Variants in KAT6A observed in about 807,000 individuals in gnomAD.
KAT6A encodes histone acetyltransferase KAT6A.
A neutral mutation model predicts 198.4 loss-of-function variants in KAT6A; 9 were observed. The observed-to-expected ratio is 0.05, with a 90% CI of 0.03 to 0.08. KAT6A has a LOEUF of 0.08. Among genes scored for constraint, KAT6A ranks in the 10% least tolerant of loss-of-function variants. The pLI is 1.00. For synonymous variants in KAT6A, 890 were observed against 883.0 expected, an observed-to-expected ratio of 1.01 and a Z score of -0.14; for missense variants, 2,077 against 2,509.9, an observed-to-expected ratio of 0.83 and a Z score of 3.69.
chr8:41,980,448 T>C (rs1824293676), intron 5 of KAT6A, among the ~76,000 whole-genome samples: 1 of 152,188 alleles, frequency 6.6e-6, no homozygotes, highest in African/African-American at 2.4e-5. Context: ...CATATCTCTA[T>C]AGCTCTAGGG....
At chr8:42,051,547 G>A (rs1335219894) in intron 1 of KAT6A, among the ~76,000 whole-genome samples, 1 of 144,940 alleles carries the variant, frequency 6.9e-6, no homozygotes, top group Non-Finnish European at 1.5e-5. Context: ...GAGGCTCCGC[G>A]GCCTGGGCCG....
intron 13 of KAT6A, 102 bp from the exon 14 acceptor site, chr8:41,943,102 G>A (rs1046712437): frequency 6.9e-7 from 1 of 1,444,174 alleles, no homozygotes; most frequent in Admixed American, 2.0e-5. Flanking sequence ...GATGATAGGT[G>A]CTGCAAAGAT....
Position 42,015,373 on chromosome 8 carries a change from C to A in KAT6A, c.601-27810G>T, listed in dbSNP as rs559728521. 3.3e-5 allele frequency among the ~76,000 whole-genome samples: 5 copies of A among 152,344 alleles called. No individual in the cohort carries two copies. In the East Asian group the frequency reaches 7.7e-4, roughly 23 times the overall value. ...AACTATGCAAACAACTTTCCAGATACCACGACAGCACTTAAAAGCAGATCC... is the reference window on the plus strand; with the variant it reads ...AACTATGCAAACAACTTTCCAGATAACACGACAGCACTTAAAAGCAGATCC... On this transcript the variant is annotated intron_variant, in intron 2 of 16. Coordinates refer to ENST00000265713, the MANE Select transcript of KAT6A (RefSeq NM_006766.5).
Position 41,943,783 on chromosome 8 carries a change from G to C in KAT6A, c.2193C>G (p.Leu731=). 6.2e-7 allele frequency: 1 copy of C among 1,613,792 alleles called. No individual in the cohort carries two copies. The highest frequency in any genetic ancestry group is 1.7e-4 in the Middle Eastern group (1 of 6,060). ...GICPQDITST[L]HHLRMLDFRS... ...GGAAGTCCAGCATTCGTAGGTGGTG[G>C]AGTGTGGAAGTGATGTCTTGAGGGC... The change falls in exon 13 of 17, where the codon CTC becomes CTG. Residue 731 remains leucine, a synonymous_variant. Transcript: ENST00000265713.
At chr8:42,032,693 T>C (rs959955870) in intron 2 of KAT6A, among the ~76,000 whole-genome samples, 2 of 152,106 alleles carry the variant, frequency 1.3e-5, no homozygotes, top group African/African-American at 4.8e-5. Flanking sequence ...AATGCCACGT[T>C]ACTCTTACAA....
At position 41,943,058 on chromosome 8, in the gene KAT6A, A is replaced by C; in HGVS notation, c.2229-58T>G. 8 of 1,602,828 alleles carry C rather than the reference A, an allele frequency of 5.0e-6. No individual in the cohort carries two copies. The South Asian group carries it at 8.9e-5, about 18-fold the overall frequency. The stretch of plus-strand genomic sequence containing the variant: ...AATGTACAAGGTGTACATAAAAATG[A>C]ATGTGGAGATGAGACCCCTGGTGAA... On this transcript the variant is annotated intron_variant, in intron 13 of 16. Transcript: ENST00000265713.
intron 2 of KAT6A, among the ~76,000 whole-genome samples, chr8:42,020,161 C>A (rs1056294692): frequency 1.3e-5 from 2 of 152,162 alleles, no homozygotes; most frequent in Non-Finnish European, 2.9e-5. Context: ...ATCCAGTCTA[C>A]CACCTGGTTT....
At position 41,933,796 on chromosome 8, in the gene KAT6A, T is replaced by C. The variant is rs375111884; in HGVS notation, c.4424A>G (p.His1475Arg). Residue 1475 changes from histidine to arginine, a missense_variant, in exon 17 of 17, where the codon CAT becomes CGT. His to Arg is a conservative substitution (Grantham distance 29, BLOSUM62 0). Around this residue, in one of 13 missense-constraint regions of KAT6A, gnomAD observed 178 missense variants for 220.8 expected, o/e 0.81. Coordinates refer to ENST00000265713, the MANE Select transcript of KAT6A (RefSeq NM_006766.5). The surrounding 1 kb of genome is among the most constrained non-coding windows in gnomAD (Gnocchi z 6.2). ...DPQMSMVEDCHASEHNSPISS... is the reference protein window; with the variant it reads ...DPQMSMVEDCRASEHNSPISS... ...GATAGGGCTATTATGTTCTGACGCA[T>C]GACAGTCTTCAACCATGGACATCTG... The C allele has an allele frequency of 2.5e-6, 4 of 1,614,008 alleles. No homozygotes were observed. Among genetic ancestry groups the C allele is most frequent in the African/African-American group, 2.7e-5 (2 of 74,908 alleles).
intron 2 of KAT6A, among the ~76,000 whole-genome samples, chr8:42,044,684 A>G (rs983885574): frequency 3.9e-5 from 6 of 152,164 alleles, no homozygotes; most frequent in Non-Finnish European, 8.8e-5. Context: ...TTTCATCTTC[A>G]CCTTACAGTT....
chr8:41,960,919 C>T (rs751986425), intron 8 of KAT6A, among the ~76,000 whole-genome samples: 1 of 152,108 alleles, frequency 6.6e-6, no homozygotes, highest in Non-Finnish European at 1.5e-5. Flanking sequence ...ACAACAAAAT[C>T]CTAACCCCTG....
In KAT6A at chr8:41,984,809, C is replaced by A. The variant is rs139231999; in HGVS notation, c.709+2646G>T. The stretch of plus-strand genomic sequence containing the variant: ...CTGGTGAAGTAGAGATGGTGAAACC[C>A]CACCTCTACTAAAAATACCAAAAAT... On this transcript the variant is annotated intron_variant, in intron 3 of 16. Transcript: ENST00000265713. Among the ~76,000 whole-genome samples, 1,264 of 151,984 alleles carry A rather than the reference C, an allele frequency of 8.3e-3. 16 individuals carry two copies. The highest frequency in any genetic ancestry group is 0.029 in the African/African-American group (1,221 of 41,466).
At chr8:42,028,182 T>C (rs543603595) in intron 2 of KAT6A, among the ~76,000 whole-genome samples, 2 of 152,376 alleles carry the variant, frequency 1.3e-5, no homozygotes, top group East Asian at 1.9e-4. Flanking sequence ...ATGATCCATG[T>C]GCTGATGAGA....
At position 41,934,481 on chromosome 8, in the gene KAT6A, T is replaced by G. The variant is rs2150856849; in HGVS notation, c.3739A>C (p.Ser1247Arg). The change falls in exon 17 of 17, where the codon AGT (serine) becomes CGT (arginine). Residue 1247 changes from serine (S) to arginine (R), a missense_variant. Physicochemically the swap from Ser to Arg is moderately radical, Grantham distance 110. Coordinates refer to ENST00000265713, the MANE Select transcript of KAT6A (RefSeq NM_006766.5). ...GCTGGAGAGGCTGCTGGGACTTCAC[T>G]GCTGGCTGCATCCTCTTCCTCACCC... is the stretch of plus-strand genomic sequence containing the variant. The part of the protein sequence containing the change: ...EEGEEEDAAS[S>R]EVPAASPADS... 1 of 1,610,096 alleles carries G rather than the reference T, an allele frequency of 6.2e-7. No homozygotes were observed. Among genetic ancestry groups the G allele is most frequent in the Non-Finnish European group, 8.5e-7 (1 of 1,177,912 alleles).
chr8:41,931,872 TAC>T lies in KAT6A; in HGVS notation c.*331_*332del, dbSNP rs1821561412. 4.1e-6 allele frequency: 1 copy of T among 241,668 alleles called. No homozygotes were observed. The highest frequency in any genetic ancestry group is 1.7e-4 in the South Asian group (1 of 5,768). 15.0% of individuals were successfully genotyped at this position (241,668 alleles called of 1,614,324 possible). A position where few individuals can be genotyped will look rare whatever the true frequency, so the allele number is the denominator to read the frequency against. ...TTTTAAAATAAAGATAATTCACTTT[TAC>T]ACAAATTCTGTCCATGTGGTATGTA... On this transcript the variant is annotated 3_prime_UTR_variant, in exon 17 of 17. Coordinates refer to ENST00000265713, the MANE Select transcript of KAT6A (RefSeq NM_006766.5).
At chr8:41,987,396 A>C in intron 3 of KAT6A, 59 bp downstream of exon 3, 1 of 981,582 alleles carries the variant, frequency 1.0e-6, no homozygotes, top group Non-Finnish European at 1.6e-6. Context: ...TCAAGTCAAC[A>C]TACTTTCCGC....
intron 2 of KAT6A, among the ~76,000 whole-genome samples, chr8:42,012,064 CA>C (rs1826048473): frequency 6.6e-6 from 1 of 152,120 alleles, no homozygotes; most frequent in Non-Finnish European, 1.5e-5. Context: ...AATGAAATAC[CA>C]CTATCTATTA....
chr8:42,015,297 C>G (rs1475804822), intron 2 of KAT6A, among the ~76,000 whole-genome samples: 1 of 152,164 alleles, frequency 6.6e-6, no homozygotes, highest in Admixed American at 6.5e-5. Flanking sequence ...CATGGATGAG[C>G]TGGGGGGAAA....
Position 41,931,944 on chromosome 8 carries a change from T to A in KAT6A, c.*261A>T, listed in dbSNP as rs1343703980. ...TAATTATGAAAAGATTTTGTGCATG[T>A]TTCCCCATCCCCAAATCCATTTTTA... On this transcript the variant is annotated 3_prime_UTR_variant, in exon 17 of 17. Coordinates refer to ENST00000265713, the MANE Select transcript of KAT6A (RefSeq NM_006766.5). The A allele has an allele frequency of 3.2e-6, 1 of 315,806 alleles. No homozygotes were observed. The highest frequency in any genetic ancestry group is 5.7e-6 in the Non-Finnish European group (1 of 176,022). The allele number at this position is 315,806 out of a possible 1,614,324, so 19.6% of individuals were successfully genotyped here. A position where few individuals can be genotyped will look rare whatever the true frequency, so the allele number is the denominator to read the frequency against.
rs762700976 is a variant in KAT6A at position 41,981,972 on chromosome 8, A to G, written c.710-18T>C. 4.3e-5 allele frequency: 61 copies of G among 1,402,920 alleles called. No homozygotes were observed. Among genetic ancestry groups the G allele is most frequent in the Admixed American group, 6.7e-5 (4 of 59,302 alleles). The allele number at this position is 1,402,920 out of a possible 1,614,324, so 86.9% of individuals were successfully genotyped here. On this transcript the variant is annotated intron_variant, in intron 3 of 16. Coordinates refer to ENST00000265713, the MANE Select transcript of KAT6A (RefSeq NM_006766.5). Reference sequence around the variant, plus strand: ...TGGATGGCCTAATACGAGGGAGAACATTCATGAATGAAACAATCAAGAACT... The same window carrying G: ...TGGATGGCCTAATACGAGGGAGAACGTTCATGAATGAAACAATCAAGAACT...
Sources: allele counts gnomAD v4.1 joint callset (sites outside exome capture counted in the v4.1 genomes callset), GRCh38; gene constraint gnomAD v4.1.1; regional missense constraint gnomAD v4.1.1; non-coding constraint Gnocchi (gnomAD v3.1); transcripts MANE v1.5; gene names NCBI Gene and HGNC (gene_info 2026-07-23, HGNC 2026-07-21).